The following SH3GL2 variants were observed in gnomAD, a reference collection of about 807,000 sequenced individuals.
SH3GL2 encodes the protein SH3 domain containing GRB2 like 2, endophilin A1.
In SH3GL2, 24 loss-of-function variants were observed where a neutral mutation model predicts 46.0. That is an observed-to-expected ratio of 0.52 (90% CI 0.38 to 0.73). SH3GL2 has a LOEUF of 0.73. Among genes scored for constraint, SH3GL2 ranks in the 30% least tolerant of loss-of-function variants. SH3GL2 has a pLI of 0.00. For synonymous variants in SH3GL2, 196 were observed against 147.1 expected (o/e 1.33, Z -2.40); for missense variants, 413 against 424.2 (o/e 0.97, Z 0.23).
intron 1 of SH3GL2, among the ~76,000 whole-genome samples, chr9:17,680,857 A>T (rs1484471528): frequency 2.0e-5 from 3 of 152,062 alleles, no homozygotes; most frequent in Non-Finnish European, 2.9e-5. Context: ...TTGAAAGAAC[A>T]TCTTTATTTC....
intron 1 of SH3GL2, among the ~76,000 whole-genome samples, chr9:17,651,238 C>T (rs1293333626): frequency 6.6e-6 from 1 of 152,036 alleles, no homozygotes; most frequent in African/African-American, 2.4e-5. Flanking sequence ...CTTTGTTAAG[C>T]TTCCTCAAAT....
rs376068756 is a variant in SH3GL2, at chr9:17,592,716, G to A, written c.45+13429G>A. On this transcript the variant is annotated intron_variant, in intron 1 of 8. Coordinates refer to ENST00000380607, the MANE Select transcript of SH3GL2 (RefSeq NM_003026.5). ...CATGGTATTGTGAAATATGTATTTCGTCTCCCTGTTTCCTCACAGAAAAAA... is the reference window on the plus strand; with the variant it reads ...CATGGTATTGTGAAATATGTATTTCATCTCCCTGTTTCCTCACAGAAAAAA... 5.3e-5 allele frequency among the ~76,000 whole-genome samples: 8 copies of A among 152,032 alleles called. No individual in the cohort carries two copies. In the East Asian group the frequency reaches 7.7e-4, roughly 15 times the overall value.
At chr9:17,589,667 G>A (rs1229576495) in intron 1 of SH3GL2, 4 of 152,246 alleles carry the variant, frequency 2.6e-5, no homozygotes, top group Non-Finnish European at 4.4e-5. Context: ...CTTGGGGGAA[G>A]GCTGAGGCCA....
chr9:17,677,642 A>T (rs1820646892), intron 1 of SH3GL2, among the ~76,000 whole-genome samples: 4 of 150,698 alleles, frequency 2.7e-5, no homozygotes, highest in Admixed American at 2.0e-4. Context: ...ATATATATAT[A>T]TTTATACTTT....
chr9:17,700,791 A>G (rs1353236008), intron 1 of SH3GL2, among the ~76,000 whole-genome samples: 1 of 152,206 alleles, frequency 6.6e-6, no homozygotes, highest in Non-Finnish European at 1.5e-5. Flanking sequence ...TGATATTTTA[A>G]TCAAACTCTG....
At chr9:17,756,088 C>A (rs1231434698) in intron 2 of SH3GL2, among the ~76,000 whole-genome samples, 1 of 152,124 alleles carries the variant, frequency 6.6e-6, no homozygotes. Flanking sequence ...TGTCAAAACA[C>A]AAAAGCGTCC....
intron 1 of SH3GL2, among the ~76,000 whole-genome samples, chr9:17,629,403 A>G (rs1183359384): frequency 1.3e-5 from 2 of 152,240 alleles, no homozygotes; most frequent in African/African-American, 4.8e-5. Flanking sequence ...AGTCTCTGAA[A>G]TACTTATTGA....
At chr9:17,616,395 A>G (rs1038781295) in intron 1 of SH3GL2, among the ~76,000 whole-genome samples, 2 of 152,164 alleles carry the variant, frequency 1.3e-5, no homozygotes, top group African/African-American at 4.8e-5. Flanking sequence ...AATTACTTCT[A>G]TTGGTGCTTA....
At chr9:17,632,996 C>T (rs3808736) in intron 1 of SH3GL2, among the ~76,000 whole-genome samples, 14 of 152,218 alleles carry the variant, frequency 9.2e-5, no homozygotes, top group African/African-American at 2.9e-4. Flanking sequence ...TGTAGAGGAG[C>T]TGCCAGTATT....
At chr9:17,706,083 G>A (rs1406579541) in intron 1 of SH3GL2, among the ~76,000 whole-genome samples, 3 of 151,922 alleles carry the variant, frequency 2.0e-5, no homozygotes, top group Non-Finnish European at 2.9e-5. Flanking sequence ...AAGTAATGTC[G>A]ATATATCTAA....
At position 17,606,483 on chromosome 9, in the gene SH3GL2, G is replaced by A. The variant is rs1818764064; in HGVS notation, c.45+27196G>A. 2.0e-5 allele frequency among the ~76,000 whole-genome samples: 3 copies of A among 152,150 alleles called. No individual in the cohort carries two copies. The South Asian group carries it at 6.2e-4, about 32-fold the overall frequency. On this transcript the variant is annotated intron_variant, in intron 1 of 8. Coordinates refer to ENST00000380607, the MANE Select transcript of SH3GL2 (RefSeq NM_003026.5). ...TTGGGAATCATTAGCCTATCCAAAA[G>A]TTTGACTAGTATCTCCCTTCCCTTT...
chr9:17,789,248 G>A, intron 5 of SH3GL2, 144 bp from the exon 6 acceptor site: 4 of 629,044 alleles, frequency 6.4e-6, no homozygotes, highest in Non-Finnish European at 1.1e-5. Flanking sequence ...ATTGATGCAT[G>A]TTTCTTTATT....
chr9:17,609,248 A>C (rs1309486888), intron 1 of SH3GL2, among the ~76,000 whole-genome samples: 4 of 152,180 alleles, frequency 2.6e-5, no homozygotes, highest in Non-Finnish European at 5.9e-5. Context: ...TGTAAGAGGT[A>C]TAATTAGAGT....
chr9:17,658,274 G>A (rs1171148381), intron 1 of SH3GL2, among the ~76,000 whole-genome samples: 1 of 152,126 alleles, frequency 6.6e-6, no homozygotes, highest in East Asian at 1.9e-4. Flanking sequence ...TTTCAGATCT[G>A]TTTTGTTTAG....
intron 1 of SH3GL2, among the ~76,000 whole-genome samples, chr9:17,676,545 G>C (rs1281293537): frequency 2.0e-5 from 3 of 152,162 alleles, no homozygotes; most frequent in Non-Finnish European, 4.4e-5. Context: ...GTTGGAGGTT[G>C]CAATGAGCTG....
At chr9:17,793,955 G>C (rs1824204529) in intron 8 of SH3GL2, among the ~76,000 whole-genome samples, 1 of 152,236 alleles carries the variant, frequency 6.6e-6, no homozygotes, top group African/African-American at 2.4e-5. Flanking sequence ...GAAATGTGCT[G>C]ATGAGCTGGA....
intron 1 of SH3GL2, among the ~76,000 whole-genome samples, chr9:17,639,612 T>C (rs1819625552): frequency 6.6e-6 from 1 of 152,216 alleles, no homozygotes; most frequent in Non-Finnish European, 1.5e-5. Context: ...TTGTATAAGA[T>C]AACATAAAAT....
intron 1 of SH3GL2, among the ~76,000 whole-genome samples, chr9:17,682,885 T>C (rs974221734): frequency 1.3e-4 from 20 of 152,112 alleles, no homozygotes; most frequent in Admixed American, 1.3e-3. Flanking sequence ...TTTGTATTAT[T>C]GAAACCAAAA....
chr9:17,790,381 A>G (rs1458468470), intron 6 of SH3GL2: 1 of 968,346 alleles, frequency 1.0e-6, no homozygotes, highest in African/African-American at 1.8e-5. Flanking sequence ...AAAATTAACC[A>G]TCACATTGCC....
Sources: gnomAD v4.1 joint callset for allele counts (sites outside exome capture counted in the v4.1 genomes callset) on GRCh38, gnomAD v4.1.1 for gene constraint, MANE v1.5 for transcripts, NCBI Gene and HGNC (gene_info 2026-07-23, HGNC 2026-07-21) for gene names.